The following AGAP1 variants were observed in gnomAD, a reference collection of about 807,000 sequenced individuals.
The protein encoded by AGAP1 is ArfGAP with GTPase domain, ankyrin repeat and PH domain 1.
A neutral mutation model predicts 105.3 loss-of-function variants in AGAP1; 29 were observed. The observed-to-expected ratio is 0.28, with a 90% CI of 0.21 to 0.38. The LOEUF (loss-of-function observed/expected upper bound fraction) is 0.38. Among genes scored for constraint, AGAP1 ranks in the 10% least tolerant of loss-of-function variants. The probability of loss-of-function intolerance (pLI) is 1.00; values close to 1 mark genes in which losing one functional copy is unlikely to be tolerated. For synonymous variants in AGAP1, 509 were observed against 485.9 expected, an observed-to-expected ratio of 1.05 and a Z score of -0.63; for missense variants, 998 against 1,165.1, an observed-to-expected ratio of 0.86 and a Z score of 2.09.
Position 235,901,550 on chromosome 2 carries a change from G to T in AGAP1, c.1156-7188G>T, listed in dbSNP as rs1440782478. Among the ~76,000 whole-genome samples, 1 of 152,138 alleles carries T rather than the reference G, an allele frequency of 6.6e-6. No homozygotes were observed. The highest frequency in any genetic ancestry group is 2.4e-5 in the African/African-American group (1 of 41,436). On this transcript the variant is annotated intron_variant, in intron 10 of 17. Coordinates refer to ENST00000304032, the MANE Select transcript of AGAP1 (RefSeq NM_001037131.3). This position sits in a 1 kb window ranked among gnomAD's most constrained non-coding sequence, Gnocchi z 4.3. ...TTGCAGACATGAAGCTAGACTAGTGGTTCTCAAGACTTTGGGCTCAGGACC... is the reference window on the plus strand; with the variant it reads ...TTGCAGACATGAAGCTAGACTAGTGTTTCTCAAGACTTTGGGCTCAGGACC...
At chr2:235,595,330 C>G (rs559053215) in intron 1 of AGAP1, among the ~76,000 whole-genome samples, 1 of 152,052 alleles carries the variant, frequency 6.6e-6, no homozygotes, top group African/African-American at 2.4e-5. Context: ...CTCGAGGGGC[C>G]GGAAACCGTG....
At chr2:235,653,112 G>A (rs1947650805) in intron 1 of AGAP1, among the ~76,000 whole-genome samples, 1 of 152,146 alleles carries the variant, frequency 6.6e-6, no homozygotes. Context: ...AAGCCCATTT[G>A]CTGCATTGTA....
chr2:236,054,112 CTT>C (rs1285409411), intron 16 of AGAP1, among the ~76,000 whole-genome samples: 1 of 152,108 alleles, frequency 6.6e-6, no homozygotes, highest in Non-Finnish European at 1.5e-5. Flanking sequence ...AGTTCCATCT[CTT>C]TTTGATTCTG....
rs1259753905 is a variant in AGAP1, at chr2:236,113,397, C to T, written c.2115-6795C>T. 6.6e-6 allele frequency among the ~76,000 whole-genome samples: 1 copy of T among 152,200 alleles called. No homozygotes were observed. Among genetic ancestry groups the T allele is most frequent in the Admixed American group, 6.5e-5 (1 of 15,284 alleles). ...CTCGTGATCCACCCACTTCGGCCTC[C>T]CAAAGTGCTGGGATTACAGTCATGA... On this transcript the variant is annotated intron_variant, in intron 16 of 17. Transcript: ENST00000304032. This position sits in a 1 kb window ranked among gnomAD's most constrained non-coding sequence, Gnocchi z 4.3.
At chr2:235,760,048 CTG>C (rs1954307172) in intron 6 of AGAP1, among the ~76,000 whole-genome samples, 1 of 152,174 alleles carries the variant, frequency 6.6e-6, no homozygotes, top group African/African-American at 2.4e-5. Context: ...GGCACATCAA[CTG>C]AGACAAAAAT....
chr2:235,827,284 G>T (rs1959123844), intron 9 of AGAP1, among the ~76,000 whole-genome samples: 1 of 152,156 alleles, frequency 6.6e-6, no homozygotes, highest in Non-Finnish European at 1.5e-5. Context: ...TCTCCACGCA[G>T]ACTCTCCTTG....
chr2:235,602,661 C>T (rs1293560073), intron 1 of AGAP1, among the ~76,000 whole-genome samples: 1 of 152,140 alleles, frequency 6.6e-6, no homozygotes, highest in African/African-American at 2.4e-5. Flanking sequence ...TTCCTCTTAT[C>T]CTGTTTCCAT....
chr2:235,807,223 T>G lies in AGAP1; in HGVS notation c.958-16T>G. ...ACAGCCCTTACCCAGATGCCAACTTTCCTTTTGCTTTGCAGTCTCGGAAAG... is the reference window on the plus strand; with the variant it reads ...ACAGCCCTTACCCAGATGCCAACTTGCCTTTTGCTTTGCAGTCTCGGAAAG... On this transcript the variant is annotated splice_polypyrimidine_tract_variant and intron_variant, in intron 8 of 17. Transcript: ENST00000304032. The G allele has an allele frequency of 1.2e-6, 2 of 1,608,748 alleles. No homozygotes were observed. The highest frequency in any genetic ancestry group is 1.7e-6 in the Non-Finnish European group (2 of 1,178,692).
chr2:235,650,894 C>T (rs558247014), intron 1 of AGAP1, among the ~76,000 whole-genome samples: 1 of 152,056 alleles, frequency 6.6e-6, no homozygotes, highest in African/African-American at 2.4e-5. Context: ...AAGATAGAGA[C>T]CCTGGCCAGG....
At chr2:235,846,958 C>A (rs1004001868) in intron 9 of AGAP1, among the ~76,000 whole-genome samples, 2 of 152,186 alleles carry the variant, frequency 1.3e-5, no homozygotes, top group Non-Finnish European at 2.9e-5. Flanking sequence ...GGGCCTGTGG[C>A]CTCCCCCTCT....
In AGAP1 at chr2:235,777,124, C is replaced by T; in HGVS notation, c.674-20635C>T. 1 of 462,062 alleles carries T rather than the reference C, an allele frequency of 2.2e-6. No individual in the cohort carries two copies. The highest frequency in any genetic ancestry group is 1.6e-5 in the South Asian group (1 of 63,046). The allele number at this position is 462,062 out of a possible 1,614,324, so 28.6% of individuals were successfully genotyped here. On this transcript the variant is annotated intron_variant, in intron 6 of 17. Coordinates refer to ENST00000304032, the MANE Select transcript of AGAP1 (RefSeq NM_001037131.3). The surrounding 1 kb of genome is among the most constrained non-coding windows in gnomAD (Gnocchi z 5.1). ...CTGTAATTCCAGCACTTTGAGAGGC[C>T]AAGGCGGGTGGATCACGAGGTCAGG...
At chr2:235,863,672 C>G (rs1439717699) in intron 9 of AGAP1, among the ~76,000 whole-genome samples, 2 of 152,204 alleles carry the variant, frequency 1.3e-5, no homozygotes, top group Non-Finnish European at 2.9e-5. Context: ...GGGGAGAGCA[C>G]ATGGCTAACT....
intron 1 of AGAP1, among the ~76,000 whole-genome samples, chr2:235,680,003 G>T (rs578055105): frequency 6.6e-6 from 1 of 152,314 alleles, no homozygotes; most frequent in East Asian, 1.9e-4. Flanking sequence ...TCTAAGTAAC[G>T]TACTACTACT....
Position 235,615,059 on chromosome 2 carries a change from G to A in AGAP1, c.164-94120G>A, listed in dbSNP as rs1423083013. Among the ~76,000 whole-genome samples, 1 of 152,198 alleles carries A rather than the reference G, an allele frequency of 6.6e-6. No homozygotes were observed. The highest frequency in any genetic ancestry group is 1.5e-5 in the Non-Finnish European group (1 of 68,036). ...GGTTTTTTAAAATTTCTAATAAAAT[G>A]CAAATGATTACAGCCCCTTCCATGA... is the stretch of plus-strand genomic sequence containing the variant. On this transcript the variant is annotated intron_variant, in intron 1 of 17. Coordinates refer to ENST00000304032, the MANE Select transcript of AGAP1 (RefSeq NM_001037131.3). The surrounding 1 kb of genome is among the most constrained non-coding windows in gnomAD (Gnocchi z 5.0).
At chr2:235,649,501 A>G (rs13416055) in intron 1 of AGAP1, among the ~76,000 whole-genome samples, 108,994 of 152,098 alleles carry the variant, frequency 0.72, 39,139 homozygotes, top group East Asian at 0.81. Flanking sequence ...AGCCTTCCGA[A>G]TAACTGAGAC....
chr2:235,527,995 A>G (rs1942905899), intron 1 of AGAP1, among the ~76,000 whole-genome samples: 1 of 152,154 alleles, frequency 6.6e-6, no homozygotes, highest in Admixed American at 6.5e-5. Flanking sequence ...ACTTCTTTGG[A>G]CATGTAAGTC....
At chr2:235,760,336 G>A (rs996014474) in intron 6 of AGAP1, among the ~76,000 whole-genome samples, 3 of 152,194 alleles carry the variant, frequency 2.0e-5, no homozygotes, top group East Asian at 1.9e-4. Flanking sequence ...CTGAGATCAC[G>A]CCACTGCACT....
intron 13 of AGAP1, among the ~76,000 whole-genome samples, chr2:236,024,206 A>G (rs1028704661): frequency 9.9e-5 from 15 of 151,186 alleles, no homozygotes; most frequent in African/African-American, 3.4e-4. Context: ...AATTTTTTTA[A>G]TTTATATTTT....
intron 9 of AGAP1, among the ~76,000 whole-genome samples, chr2:235,850,624 A>G (rs1189822635): frequency 2.6e-5 from 4 of 152,242 alleles, no homozygotes; most frequent in Non-Finnish European, 4.4e-5. Flanking sequence ...AGGGCTTTAC[A>G]AAGAAGTACT....
Sources: allele counts gnomAD v4.1 joint callset (sites outside exome capture counted in the v4.1 genomes callset), GRCh38; gene constraint gnomAD v4.1.1; non-coding constraint Gnocchi (gnomAD v3.1); transcripts MANE v1.5; gene names NCBI Gene and HGNC (gene_info 2026-07-23, HGNC 2026-07-21).